Variants in BRD10 observed in about 807,000 individuals in gnomAD.
BRD10 encodes the protein bromodomain containing 10.
the BRD10 span, among the ~76,000 whole-genome samples, chr9:5,917,179 G>GT: frequency 1.3e-5 from 2 of 152,152 alleles, no homozygotes; most frequent in Admixed American, 1.3e-4. Context: ...TTTCAAACAA[G>GT]TAATTATAGT....
the BRD10 span, among the ~76,000 whole-genome samples, chr9:5,989,622 T>C: frequency 6.0e-5 from 9 of 151,036 alleles, no homozygotes; most frequent in Non-Finnish European, 1.0e-4. Context: ...TCAACCTCCC[T>C]GGGCTCAGGT....
chr9:5,957,164 T>C, the BRD10 span, among the ~76,000 whole-genome samples: 851 of 152,248 alleles, frequency 5.6e-3, 7 homozygotes, highest in Middle Eastern at 0.01. Flanking sequence ...AGTAAAGTGG[T>C]CTGTATAAAT....
chr9:5,964,374 T>G, the BRD10 span, among the ~76,000 whole-genome samples: 1 of 152,058 alleles, frequency 6.6e-6, no homozygotes, highest in Non-Finnish European at 1.5e-5. Flanking sequence ...TCACACCATT[T>G]AGAATGGCAA....
At chr9:5,918,443 C>T in the BRD10 span, among the ~76,000 whole-genome samples, 9,311 of 152,156 alleles carry the variant, frequency 0.061, 442 homozygotes, top group Non-Finnish European at 0.1. Flanking sequence ...TTCTTGGGTG[C>T]GGTGGCTCAT....
At chr9:6,003,321 C>A in the BRD10 span, among the ~76,000 whole-genome samples, 1 of 152,142 alleles carries the variant, frequency 6.6e-6, no homozygotes, top group African/African-American at 2.4e-5. Flanking sequence ...TCAAAAATAT[C>A]ATCATTTAAA....
At chr9:5,893,343 C>T in the BRD10 span, among the ~76,000 whole-genome samples, 1 of 152,162 alleles carries the variant, frequency 6.6e-6, no homozygotes, top group African/African-American at 2.4e-5. Context: ...TCTAACAGGA[C>T]AACACCCTCT....
the BRD10 span, chr9:5,909,705 C>T: frequency 6.6e-6 from 1 of 152,188 alleles, no homozygotes; most frequent in African/African-American, 2.4e-5. Flanking sequence ...TATGTACTGC[C>T]TTAGTGCTGA....
At chr9:6,001,383 C>T in the BRD10 span, among the ~76,000 whole-genome samples, 87 of 152,178 alleles carry the variant, frequency 5.7e-4, no homozygotes, top group Non-Finnish European at 1.0e-3. Flanking sequence ...CAAGCATTCA[C>T]GGTACTTTAT....
the BRD10 span, among the ~76,000 whole-genome samples, chr9:5,903,406 A>AT: frequency 2.0e-5 from 3 of 152,014 alleles, no homozygotes; most frequent in Non-Finnish European, 4.4e-5. Flanking sequence ...GTTAGGTTTG[A>AT]TTTGCTAATA....
the BRD10 span, among the ~76,000 whole-genome samples, chr9:5,985,263 G>A: frequency 6.6e-6 from 1 of 152,044 alleles, no homozygotes; most frequent in Non-Finnish European, 1.5e-5. Context: ...AACTTCAAAA[G>A]AATAAACATA....
At chr9:5,964,600 T>C in the BRD10 span, among the ~76,000 whole-genome samples, 1 of 138,434 alleles carries the variant, frequency 7.2e-6, no homozygotes, top group African/African-American at 2.7e-5. Context: ...TAAAGACACA[T>C]GCACACGTAT....
chr9:5,975,482 C>G, the BRD10 span, among the ~76,000 whole-genome samples: 2 of 137,700 alleles, frequency 1.5e-5, no homozygotes, highest in Non-Finnish European at 3.1e-5. Flanking sequence ...GCAATAAGGT[C>G]ATTAAAGTAG....
At chr9:5,999,335 T>G in the BRD10 span, among the ~76,000 whole-genome samples, 1 of 152,026 alleles carries the variant, frequency 6.6e-6, no homozygotes, top group South Asian at 2.1e-4. Flanking sequence ...GCTCTAGGAT[T>G]TCTGCTATAT....
At chr9:5,918,938 T>G in the BRD10 span, 2 of 152,614 alleles carry the variant, frequency 1.3e-5, no homozygotes, top group Non-Finnish European at 2.9e-5. Context: ...TAATTCTTTC[T>G]TGTAAAGGAC....
the BRD10 span, among the ~76,000 whole-genome samples, chr9:5,984,305 A>G: frequency 2.0e-5 from 3 of 152,308 alleles, no homozygotes; most frequent in South Asian, 6.2e-4. Context: ...ATGTAGAAGG[A>G]AGGCATACGA....
At chr9:5,990,718 A>C in the BRD10 span, among the ~76,000 whole-genome samples, 1 of 152,220 alleles carries the variant, frequency 6.6e-6, no homozygotes, top group South Asian at 2.1e-4. Flanking sequence ...TGTAAAGATA[A>C]AAAAGACTGA....
the BRD10 span, chr9:5,923,055 C>G: frequency 2.5e-6 from 4 of 1,613,868 alleles, 1 homozygote; most frequent in South Asian, 3.3e-5. Context: ...AATGATGGCT[C>G]TGTATGCTTT....
chr9:5,947,710 T>C, the BRD10 span, among the ~76,000 whole-genome samples: 3 of 152,082 alleles, frequency 2.0e-5, no homozygotes, highest in Non-Finnish European at 4.4e-5. Context: ...CGATGTCATA[T>C]ACAACTCTAC....
chr9:5,983,269 A>G, the BRD10 span, among the ~76,000 whole-genome samples: 4 of 152,218 alleles, frequency 2.6e-5, no homozygotes, highest in African/African-American at 2.4e-5. Flanking sequence ...AGTGAAGGCT[A>G]TCTCAGACAC....
Sources: allele counts gnomAD v4.1 joint callset (sites outside exome capture counted in the v4.1 genomes callset), GRCh38; gene constraint gnomAD v4.1.1; transcripts MANE v1.5; gene names NCBI Gene and HGNC (gene_info 2026-07-23, HGNC 2026-07-21).